NDST4: variants seen among roughly 807,000 people sequenced by gnomAD.
NDST4 encodes N-heparan sulfate sulfotransferase 4.
NDST4 carries 63 observed loss-of-function variants against 100.8 expected under a neutral mutation model. The ratio of observed to expected loss-of-function variants is 0.62; its 90% CI spans 0.51 to 0.77. NDST4 has a LOEUF of 0.77. Among genes scored for constraint, NDST4 ranks in the 30% least tolerant of loss-of-function variants. The pLI, the probability that NDST4 is intolerant of heterozygous loss-of-function variation, is 0.00. For synonymous variants in NDST4, 377 were observed against 361.8 expected (o/e 1.04, Z -0.48); for missense variants, 943 against 1,018.4 (o/e 0.93, Z 1.01).
intron 2 of NDST4, among the ~76,000 whole-genome samples, chr4:115,016,612 G>T (rs988065656): frequency 1.4e-4 from 21 of 152,106 alleles, no homozygotes; most frequent in African/African-American, 5.1e-4. Context: ...GAGTTACTAT[G>T]TTGGCTGTGG....
At position 114,904,608 on chromosome 4, in the gene NDST4, T is replaced by C. The variant is rs17047476; in HGVS notation, c.1536+30598A>G. Among the ~76,000 whole-genome samples, 1,464 of 152,016 alleles carry C rather than the reference T, an allele frequency of 9.6e-3. 19 individuals are homozygous for C. The highest frequency in any genetic ancestry group is 0.031 in the Middle Eastern group (9 of 286). On this transcript the variant is annotated intron_variant, in intron 6 of 13. Coordinates refer to ENST00000264363, the MANE Select transcript of NDST4 (RefSeq NM_022569.3). ...CCAATTGTTTTTGTTGCATAGATAC[T>C]AGAAATAGCTGAATGTTATATGGAT...
At chr4:114,943,545 A>G (rs961763220) in intron 4 of NDST4, among the ~76,000 whole-genome samples, 5 of 152,202 alleles carry the variant, frequency 3.3e-5, no homozygotes, top group African/African-American at 4.8e-5. Context: ...ATATCTCTAC[A>G]TTAAAACTTT....
At chr4:114,909,392 G>A (rs927366780) in intron 6 of NDST4, among the ~76,000 whole-genome samples, 2 of 152,034 alleles carry the variant, frequency 1.3e-5, no homozygotes, top group African/African-American at 2.4e-5. Flanking sequence ...CGGGCGCGGT[G>A]GCTCACGCCT....
At chr4:114,961,402 A>G (rs1726260318) in intron 4 of NDST4, among the ~76,000 whole-genome samples, 1 of 152,054 alleles carries the variant, frequency 6.6e-6, no homozygotes, top group Non-Finnish European at 1.5e-5. Flanking sequence ...AAAAACAATA[A>G]AATTAAAATT....
chr4:114,922,176 C>T (rs1482390911), intron 6 of NDST4, among the ~76,000 whole-genome samples: 1 of 152,244 alleles, frequency 6.6e-6, no homozygotes. Flanking sequence ...CATATCAAAA[C>T]CCTTGAAACT....
In NDST4 at chr4:115,015,457, A is replaced by T. The variant is rs149865053; in HGVS notation, c.979-38183T>A. Among the ~76,000 whole-genome samples the T allele has an allele frequency of 3.1e-3, 475 of 152,226 alleles. 3 individuals are homozygous for T. The highest frequency in any genetic ancestry group is 2.6e-3 in the Non-Finnish European group (178 of 67,984). On this transcript the variant is annotated intron_variant, in intron 2 of 13. Coordinates refer to ENST00000264363, the MANE Select transcript of NDST4 (RefSeq NM_022569.3). ...TGTTTGGAAGGAGAAATGGCCAATT[A>T]TGCAGTAATATACTAATTCATGGTC...
chr4:114,864,661 T>C (rs1443503371), intron 7 of NDST4, among the ~76,000 whole-genome samples: 3 of 152,186 alleles, frequency 2.0e-5, no homozygotes, highest in African/African-American at 7.2e-5. Flanking sequence ...CCATGTAAAA[T>C]CCATGCAGTC....
In NDST4 at chr4:114,865,989, A is replaced by G. The variant is rs139216636; in HGVS notation, c.1719+4779T>C. On this transcript the variant is annotated intron_variant, in intron 7 of 13. Transcript: ENST00000264363. ...GATAACATGGCAAAATATAAATTTA[A>G]ATTTTGATTAGGAAAAAATATTTAA... is the stretch of plus-strand genomic sequence containing the variant. Among the ~76,000 whole-genome samples the G allele has an allele frequency of 2.8e-3, 423 of 152,342 alleles. 1 individual carries two copies. Among genetic ancestry groups the G allele is most frequent in the Non-Finnish European group, 4.7e-3 (317 of 68,032 alleles).
intron 6 of NDST4, among the ~76,000 whole-genome samples, chr4:114,901,310 A>C (rs1724833382): frequency 6.6e-6 from 1 of 152,056 alleles, no homozygotes; most frequent in Non-Finnish European, 1.5e-5. Flanking sequence ...TTTTGCCTTC[A>C]GTATTTGCAC....
chr4:114,910,709 A>C (rs1406383850), intron 6 of NDST4, among the ~76,000 whole-genome samples: 3 of 152,158 alleles, frequency 2.0e-5, no homozygotes, highest in Non-Finnish European at 4.4e-5. Context: ...TAGATGCCTA[A>C]AATTTATTTC....
At chr4:114,930,142 T>C (rs924483809) in intron 6 of NDST4, among the ~76,000 whole-genome samples, 7 of 152,222 alleles carry the variant, frequency 4.6e-5, no homozygotes, top group Admixed American at 1.3e-4. Context: ...TTTTAGAATA[T>C]CCTTGATGTT....
At chr4:114,876,252 G>A (rs981814657) in intron 6 of NDST4, among the ~76,000 whole-genome samples, 9 of 152,060 alleles carry the variant, frequency 5.9e-5, no homozygotes, top group South Asian at 2.1e-4. Flanking sequence ...CTCTGATAGC[G>A]TGCCCCTTTT....
intron 6 of NDST4, among the ~76,000 whole-genome samples, chr4:114,897,823 A>G (rs994310117): frequency 6.6e-6 from 1 of 152,164 alleles, no homozygotes; most frequent in Non-Finnish European, 1.5e-5. Flanking sequence ...ATGATGTGGA[A>G]CGTTTCTTCA....
At chr4:114,965,466 T>C (rs1188444861) in intron 4 of NDST4, among the ~76,000 whole-genome samples, 1 of 151,790 alleles carries the variant, frequency 6.6e-6, no homozygotes, top group East Asian at 1.9e-4. Context: ...TGTGTAATTA[T>C]GAAAAAAGTT....
chr4:115,005,585 T>G (rs557873255), intron 2 of NDST4, among the ~76,000 whole-genome samples: 1 of 152,186 alleles, frequency 6.6e-6, no homozygotes, highest in East Asian at 1.9e-4. Context: ...GAGCTCATAG[T>G]CCAGTGGGAA....
In NDST4 at chr4:115,068,265, A is replaced by G. The variant is rs532469169; in HGVS notation, c.978+7794T>C. Among the ~76,000 whole-genome samples the G allele has an allele frequency of 3.3e-5, 5 of 152,250 alleles. No individual in the cohort carries two copies. The South Asian group carries it at 1.0e-3, about 32-fold the overall frequency. On this transcript the variant is annotated intron_variant, in intron 2 of 13. Coordinates refer to ENST00000264363, the MANE Select transcript of NDST4 (RefSeq NM_022569.3). ...ATAAAATACATAGTAAAATAAAGGC[A>G]TGAAAACGTTCATGTTAAGACATCA... is the stretch of plus-strand genomic sequence containing the variant.
chr4:114,844,160 C>T (rs138801430), intron 10 of NDST4, among the ~76,000 whole-genome samples: 351 of 152,260 alleles, frequency 2.3e-3, no homozygotes, highest in African/African-American at 7.3e-3. Context: ...TTCTACTTAC[C>T]ATTTTTGTCT....
chr4:114,840,370 A>G (rs1432926965), intron 10 of NDST4, among the ~76,000 whole-genome samples: 1 of 152,182 alleles, frequency 6.6e-6, no homozygotes. Flanking sequence ...TCTGAGATAG[A>G]TCCTGGAGAT....
chr4:114,977,978 C>T (rs989384861), intron 2 of NDST4, among the ~76,000 whole-genome samples: 4 of 151,960 alleles, frequency 2.6e-5, no homozygotes, highest in African/African-American at 9.7e-5. Flanking sequence ...TAACACATTG[C>T]TAATAATGAC....
Sources: gnomAD v4.1 joint callset for allele counts (sites outside exome capture counted in the v4.1 genomes callset) on GRCh38, gnomAD v4.1.1 for gene constraint, MANE v1.5 for transcripts, NCBI Gene and HGNC (gene_info 2026-07-23, HGNC 2026-07-21) for gene names.